TMEM161A: variants seen among roughly 807,000 people sequenced by gnomAD.
TMEM161A encodes adaptive response to oxidative stress protein 29.
Under a neutral mutation model 57.1 loss-of-function variants are expected in TMEM161A, and 46 were observed. That is an observed-to-expected ratio of 0.81 (90% CI 0.64 to 1.03). The LOEUF (loss-of-function observed/expected upper bound fraction) is 1.03, where lower values mean the gene tolerates loss of function less well. TMEM161A is among the 50% of genes least tolerant of loss of function. TMEM161A has a pLI of 0.00. For synonymous variants in TMEM161A, 288 were observed against 279.0 expected (o/e 1.03, Z -0.32); for missense variants, 601 against 621.5 (o/e 0.97, Z 0.35).
At chr19:19,130,526 T>A in intron 5 of TMEM161A, 1 of 588,642 alleles carries the variant, frequency 1.7e-6, no homozygotes, top group South Asian at 2.0e-5. Flanking sequence ...CAGGCCACCG[T>A]GTCTGTACAG....
chr19:19,134,017 A>G (rs571678799), intron 2 of TMEM161A, among the ~76,000 whole-genome samples: 19 of 149,690 alleles, frequency 1.3e-4, no homozygotes, highest in Non-Finnish European at 1.5e-5. Context: ...GGCTTCCCCC[A>G]GTGTTGGGAT....
At position 19,132,595 on chromosome 19, in the gene TMEM161A, T is replaced by G; in HGVS notation, c.286+62A>C. 1 of 1,567,762 alleles carries G rather than the reference T, an allele frequency of 6.4e-7. No individual in the cohort carries two copies. Among genetic ancestry groups the G allele is most frequent in the Non-Finnish European group, 8.7e-7 (1 of 1,154,862 alleles). On this transcript the variant is annotated intron_variant, in intron 4 of 11. Coordinates refer to ENST00000162044, the MANE Select transcript of TMEM161A (RefSeq NM_017814.3). The surrounding 1 kb of genome is among the most constrained non-coding windows in gnomAD (Gnocchi z 4.3). ...TTCCTTCAAATCCTCCCCACCCCCA[T>G]GAGGGTGTGGAGACCTTCAGGGCTG...
chr19:19,126,164 CAA>C (rs11297146), intron 6 of TMEM161A, among the ~76,000 whole-genome samples: 179 of 134,652 alleles, frequency 1.3e-3, no homozygotes, highest in Admixed American at 1.6e-3. Flanking sequence ...GACTCTGTCT[CAA>C]AAAAAAAAAA....
Position 19,119,555 on chromosome 19 carries a change from C to T in TMEM161A, c.*375G>A, listed in dbSNP as rs962097567. ...CCACCCTGCACCCGGGCAGGTGCCACAGGGACGTGCAAGACAGCTACCACC... is the reference window on the plus strand; with the variant it reads ...CCACCCTGCACCCGGGCAGGTGCCATAGGGACGTGCAAGACAGCTACCACC... On this transcript the variant is annotated 3_prime_UTR_variant, in exon 12 of 12. Transcript: ENST00000162044. The T allele has an allele frequency of 1.2e-4, 27 of 234,270 alleles. No homozygotes were observed. The highest frequency in any genetic ancestry group is 5.3e-4 in the African/African-American group (24 of 45,400). 14.5% of individuals were successfully genotyped at this position (234,270 alleles called of 1,614,324 possible).
chr19:19,122,455 C>A (rs947240754), intron 6 of TMEM161A, among the ~76,000 whole-genome samples: 3 of 152,038 alleles, frequency 2.0e-5, no homozygotes, highest in African/African-American at 7.2e-5. Flanking sequence ...AGGAAGGAAT[C>A]CTCAATTCAG....
Position 19,119,945 on chromosome 19 carries a change from G to A in TMEM161A, c.1425C>T (p.His475=). 2 of 1,558,600 alleles carry A rather than the reference G, an allele frequency of 1.3e-6. No individual in the cohort carries two copies. ...ASLFGLYFHQ[H]LAGS Reference sequence around the variant, plus strand: ...CTGCAGGCAGCTAGGAGCCTGCCAAGTGCTGGTGGAAGTAGAGGCCGAAAA... The same window carrying A: ...CTGCAGGCAGCTAGGAGCCTGCCAAATGCTGGTGGAAGTAGAGGCCGAAAA... Residue 475 remains histidine, a synonymous_variant, in exon 12 of 12, where the codon CAC becomes CAT. Coordinates refer to ENST00000162044, the MANE Select transcript of TMEM161A (RefSeq NM_017814.3).
intron 6 of TMEM161A, among the ~76,000 whole-genome samples, chr19:19,129,724 A>G (rs2059948112): frequency 6.6e-6 from 1 of 152,128 alleles, no homozygotes; most frequent in Non-Finnish European, 1.5e-5. Context: ...CCTGGCCAAC[A>G]TGGTGAAACC....
At position 19,119,660 on chromosome 19, in the gene TMEM161A, C is replaced by A; in HGVS notation, c.*270G>T. ...CTCCTTTATTTGTTCAGAAGAGCAG[C>A]CAGCATCACCCTTGCCACTCAAACC... is the stretch of plus-strand genomic sequence containing the variant. On this transcript the variant is annotated 3_prime_UTR_variant, in exon 12 of 12. Transcript: ENST00000162044. The A allele has an allele frequency of 1.9e-6, 1 of 513,172 alleles. No individual in the cohort carries two copies. The allele number at this position is 513,172 out of a possible 1,614,324, so 31.8% of individuals were successfully genotyped here. A position where few individuals can be genotyped will look rare whatever the true frequency, so the allele number is the denominator to read the frequency against.
At position 19,121,067 on chromosome 19, in the gene TMEM161A, C is replaced by T. The variant is rs1333339083; in HGVS notation, c.1014G>A (p.Leu338=). 1 of 1,612,098 alleles carries T rather than the reference C, an allele frequency of 6.2e-7. No homozygotes were observed. Among genetic ancestry groups the T allele is most frequent in the South Asian group, 1.1e-5 (1 of 90,996 alleles). Residue 338 remains leucine, a synonymous_variant, in exon 10 of 12, where the codon CTG becomes CTA. Coordinates refer to ENST00000162044, the MANE Select transcript of TMEM161A (RefSeq NM_017814.3). This position sits in a 1 kb window ranked among gnomAD's most constrained non-coding sequence, Gnocchi z 5.8. ...AVTRPHLQAY[L]CLAKARVEQL... is the part of the protein sequence containing the mutation. ...GCTCCACCCGGGCCTTGGCCAGGCACAGGTAGGCCTGCAGGTGGGGCCGGG... is the reference window on the plus strand; with the variant it reads ...GCTCCACCCGGGCCTTGGCCAGGCATAGGTAGGCCTGCAGGTGGGGCCGGG...
rs2059964220 is a variant in TMEM161A at position 19,132,624 on chromosome 19, G to A, written c.286+33C>T. 6.4e-7 allele frequency: 1 copy of A among 1,555,976 alleles called. No homozygotes were observed. On this transcript the variant is annotated intron_variant, in intron 4 of 11. Transcript: ENST00000162044. This position sits in a 1 kb window ranked among gnomAD's most constrained non-coding sequence, Gnocchi z 4.3. ...GGTGTGGAGACCTTCAGGGCTGAGG[G>A]AGTAGAGTTTAGGGATGGGACTGGG...
At chr19:19,135,871 C>T (rs117570374) in intron 1 of TMEM161A, among the ~76,000 whole-genome samples, 5,161 of 152,126 alleles carry the variant, frequency 0.034, 116 homozygotes, top group Middle Eastern at 0.095. Context: ...CCACTGTGTC[C>T]GGCCTATTTT....
At chr19:19,127,468 C>T (rs926672432) in intron 6 of TMEM161A, among the ~76,000 whole-genome samples, 55 of 152,030 alleles carry the variant, frequency 3.6e-4, no homozygotes, top group African/African-American at 1.2e-3. Context: ...TACAGGTACC[C>T]GCCACCACAC....
At chr19:19,138,383 C>T (rs536550405) in intron 1 of TMEM161A, 43 bp downstream of exon 1, 1 of 1,592,404 alleles carries the variant, frequency 6.3e-7, no homozygotes, top group South Asian at 1.1e-5. Context: ...TCGGCTGGAC[C>T]TCGGCCCTGC....
intron 3 of TMEM161A, 46 bp downstream of exon 3, chr19:19,133,084 G>A (rs2059966644): frequency 6.3e-7 from 1 of 1,580,990 alleles, no homozygotes; most frequent in Non-Finnish European, 8.6e-7. Context: ...CGTTCCTGGG[G>A]AGGAGCCACC....
Position 19,119,269 on chromosome 19 carries a change from T to G in TMEM161A, c.*661A>C, listed in dbSNP as rs1409403909. ...TTCAAGCGACTCTTCTGGCTCATCC[T>G]TCTCAGTAGCTGGAACTACATGCAT... is the stretch of plus-strand genomic sequence containing the variant. On this transcript the variant is annotated 3_prime_UTR_variant, in exon 12 of 12. Transcript: ENST00000162044. The G allele has an allele frequency of 6.6e-6, 1 of 151,974 alleles. No homozygotes were observed. Among genetic ancestry groups the G allele is most frequent in the Non-Finnish European group, 1.5e-5 (1 of 68,224 alleles). 9.4% of individuals were successfully genotyped at this position (151,974 alleles called of 1,614,324 possible).
intron 1 of TMEM161A, among the ~76,000 whole-genome samples, chr19:19,135,099 C>G (rs1765109356): frequency 6.6e-6 from 1 of 152,178 alleles, no homozygotes; most frequent in East Asian, 1.9e-4. Context: ...AACACCCACC[C>G]TCACCACCTA....
intron 1 of TMEM161A, 119 bp downstream of exon 1, chr19:19,138,307 C>A (rs2059993103): frequency 1.4e-6 from 2 of 1,428,858 alleles, no homozygotes; most frequent in South Asian, 1.2e-5. Context: ...GCCCCCGAAT[C>A]CCTCAGAGCC....
rs561519508 is a variant in TMEM161A, at chr19:19,124,720, C to T, written c.596-2901G>A. 2.7e-4 allele frequency among the ~76,000 whole-genome samples: 41 copies of T among 152,078 alleles called. No homozygotes were observed. The South Asian group carries it at 5.8e-3, about 22-fold the overall frequency. On this transcript the variant is annotated intron_variant, in intron 6 of 11. Transcript: ENST00000162044. Reference sequence around the variant, plus strand: ...CTGTAATCCCAGCACTTTGAGAGGCCGAGGTGGGTGGATCACCTGAGGTTA... The same window carrying T: ...CTGTAATCCCAGCACTTTGAGAGGCTGAGGTGGGTGGATCACCTGAGGTTA...
At position 19,132,856 on chromosome 19, in the gene TMEM161A, C is replaced by A; in HGVS notation, c.189-102G>T. The A allele has an allele frequency of 9.8e-7, 1 of 1,016,770 alleles. No homozygotes were observed. Among genetic ancestry groups the A allele is most frequent in the Non-Finnish European group, 1.4e-6 (1 of 704,754 alleles). The allele number at this position is 1,016,770 out of a possible 1,614,324, so 63.0% of individuals were successfully genotyped here. On this transcript the variant is annotated intron_variant, in intron 3 of 11. Coordinates refer to ENST00000162044, the MANE Select transcript of TMEM161A (RefSeq NM_017814.3). The surrounding 1 kb of genome is among the most constrained non-coding windows in gnomAD (Gnocchi z 4.3). ...AGCTGGCCTGGAGACCATCTCTTTC[C>A]ACAACCTTGGCTCCTCTGCACACTG...
Sources: allele counts gnomAD v4.1 joint callset (sites outside exome capture counted in the v4.1 genomes callset), GRCh38; gene constraint gnomAD v4.1.1; non-coding constraint Gnocchi (gnomAD v3.1); transcripts MANE v1.5; gene names NCBI Gene and HGNC (gene_info 2026-07-23, HGNC 2026-07-21).